GRIK4: variants seen among roughly 807,000 people sequenced by gnomAD.
The protein encoded by GRIK4 is glutamate receptor ionotropic, kainate 4.
A neutral mutation model predicts 104.9 loss-of-function variants in GRIK4; 40 were observed. The ratio of observed to expected loss-of-function variants is 0.38; its 90% CI spans 0.30 to 0.50. The LOEUF is 0.50. GRIK4 is among the 20% of genes least tolerant of loss of function. GRIK4 has a pLI of 0.93. For synonymous variants in GRIK4, 485 were observed against 524.9 expected, an observed-to-expected ratio of 0.92 and a Z score of 1.04; for missense variants, 1,047 against 1,308.1, an observed-to-expected ratio of 0.80 and a Z score of 3.08.
chr11:120,697,585 A>G (rs1467873079), intron 3 of GRIK4, among the ~76,000 whole-genome samples: 1 of 152,200 alleles, frequency 6.6e-6, no homozygotes, highest in African/African-American at 2.4e-5. Context: ...ATTGCACTCC[A>G]GTCTGGGCGA....
intron 1 of GRIK4, among the ~76,000 whole-genome samples, chr11:120,611,899 T>G (rs1949043039): frequency 6.6e-6 from 1 of 152,218 alleles, no homozygotes; most frequent in Admixed American, 6.5e-5. Context: ...TCTGATTTCT[T>G]AAGATGAATC....
intron 4 of GRIK4, among the ~76,000 whole-genome samples, chr11:120,804,370 G>A (rs905814310): frequency 9.8e-5 from 15 of 152,314 alleles, no homozygotes; most frequent in South Asian, 8.3e-4. Context: ...ACAGGCCCAA[G>A]CATCACATGT....
intron 11 of GRIK4, 141 bp from the exon 12 acceptor site, chr11:120,898,391 C>G: frequency 1.7e-6 from 1 of 598,028 alleles, no homozygotes; most frequent in Non-Finnish European, 3.0e-6. Context: ...AGTCTCCCTT[C>G]TGCAGTTCAG....
At chr11:120,591,423 C>T (rs1354350655) in intron 1 of GRIK4, among the ~76,000 whole-genome samples, 2 of 152,144 alleles carry the variant, frequency 1.3e-5, no homozygotes, top group African/African-American at 4.8e-5. Flanking sequence ...GGCACCATCC[C>T]ATGGCTGCCT....
At chr11:120,733,359 G>A (rs549579147) in intron 3 of GRIK4, among the ~76,000 whole-genome samples, 1 of 84,008 alleles carries the variant, frequency 1.2e-5, no homozygotes, top group East Asian at 2.3e-4. Context: ...CTGCCATTTT[G>A]TTATTTTTTT....
chr11:120,958,230 C>A (rs542231977), intron 16 of GRIK4, among the ~76,000 whole-genome samples: 1 of 152,378 alleles, frequency 6.6e-6, no homozygotes, highest in Non-Finnish European at 1.5e-5. Context: ...TCAGCTCTAC[C>A]CTTACCCCAG....
chr11:120,780,724 G>A (rs533901685), intron 3 of GRIK4, among the ~76,000 whole-genome samples: 1 of 151,758 alleles, frequency 6.6e-6, no homozygotes, highest in Non-Finnish European at 1.5e-5. Flanking sequence ...TTTTTTGTTT[G>A]TTTGTTTGTT....
chr11:120,786,008 C>T (rs911081665), intron 3 of GRIK4, among the ~76,000 whole-genome samples: 2 of 152,238 alleles, frequency 1.3e-5, no homozygotes, highest in Non-Finnish European at 2.9e-5. Context: ...CCTTGCTCCC[C>T]AGTGCAACCT....
intron 3 of GRIK4, among the ~76,000 whole-genome samples, chr11:120,682,956 G>A (rs575827879): frequency 1.3e-5 from 2 of 152,118 alleles, no homozygotes; most frequent in South Asian, 4.2e-4. Flanking sequence ...CCCAGGTTAA[G>A]TGTCGTGTTC....
At chr11:120,891,717 C>T (rs1033701235) in intron 11 of GRIK4, among the ~76,000 whole-genome samples, 5 of 151,940 alleles carry the variant, frequency 3.3e-5, no homozygotes, top group South Asian at 2.1e-4. Context: ...GAAAGATAGG[C>T]GGTAAGCAAT....
chr11:120,550,957 ATGCATGAGTGCACAG>A (rs546312444), intron 1 of GRIK4, among the ~76,000 whole-genome samples: 152 of 152,276 alleles, frequency 1.0e-3, no homozygotes, highest in African/African-American at 3.6e-3. Context: ...ACAGCGGAGC[ATGCATGAGTGCACAG>A]TGAAGGGCAT....
At chr11:120,960,187 G>C (rs1944257984) in intron 16 of GRIK4, among the ~76,000 whole-genome samples, 1 of 152,112 alleles carries the variant, frequency 6.6e-6, no homozygotes, top group Non-Finnish European at 1.5e-5. Flanking sequence ...AAATTTGCTG[G>C]GCATGGTGGT....
chr11:120,962,102 A>T (rs574313392), intron 17 of GRIK4, among the ~76,000 whole-genome samples: 1 of 152,172 alleles, frequency 6.6e-6, no homozygotes, highest in Non-Finnish European at 1.5e-5. Context: ...AAATTGAGGG[A>T]CAATGAAGGT....
At chr11:120,781,179 G>A (rs1285367907) in intron 3 of GRIK4, among the ~76,000 whole-genome samples, 2 of 135,766 alleles carry the variant, frequency 1.5e-5, no homozygotes, top group Admixed American at 7.3e-5. Flanking sequence ...TTGGCTTTCT[G>A]TTTTTGTGTT....
chr11:120,842,295 C>A (rs930578636), intron 8 of GRIK4, among the ~76,000 whole-genome samples: 6 of 152,164 alleles, frequency 3.9e-5, no homozygotes, highest in African/African-American at 1.2e-4. Flanking sequence ...TCTTAGAGAC[C>A]AGTGTTAGGA....
Position 120,647,696 on chromosome 11 carries a change from G to A in GRIK4, c.-158-5989G>A, listed in dbSNP as rs142298736. Among the ~76,000 whole-genome samples the A allele has an allele frequency of 2.8e-3, 425 of 152,368 alleles. 2 individuals carry two copies. Among genetic ancestry groups the A allele is most frequent in the African/African-American group, 9.1e-3 (378 of 41,584 alleles). On this transcript the variant is annotated intron_variant, in intron 1 of 20. Coordinates refer to ENST00000527524, the MANE Select transcript of GRIK4 (RefSeq NM_014619.5). ...AGATTCTTGCTGCAACTGCAGGGGC[G>A]CAGGGACATTTTTCTGCCTGCCTTC...
chr11:120,625,685 C>A lies in GRIK4; in HGVS notation c.-158-28000C>A, dbSNP rs570039324. Among the ~76,000 whole-genome samples the A allele has an allele frequency of 2.6e-5, 4 of 151,810 alleles. No individual in the cohort carries two copies. In the East Asian group the frequency reaches 7.8e-4, roughly 30 times the overall value. On this transcript the variant is annotated intron_variant, in intron 1 of 20. Transcript: ENST00000527524. Reference sequence around the variant, plus strand: ...GTCATTGCTGGCTTTTGTGCTCTTCCCTTCTTACCCCTGGCTCCAAACAGA... The same window carrying A: ...GTCATTGCTGGCTTTTGTGCTCTTCACTTCTTACCCCTGGCTCCAAACAGA...
intron 3 of GRIK4, among the ~76,000 whole-genome samples, chr11:120,758,216 C>A (rs1050207253): frequency 1.8e-4 from 27 of 152,136 alleles, no homozygotes; most frequent in African/African-American, 6.5e-4. Flanking sequence ...TTCATTGTAC[C>A]CATCCTGAGG....
intron 3 of GRIK4, among the ~76,000 whole-genome samples, chr11:120,776,650 G>A (rs921965302): frequency 3.3e-5 from 5 of 152,208 alleles, no homozygotes; most frequent in Non-Finnish European, 7.3e-5. Context: ...GCTGCTTAGC[G>A]AGTGTTTCTG....
Sources: gnomAD v4.1 joint callset for allele counts (sites outside exome capture counted in the v4.1 genomes callset) on GRCh38, gnomAD v4.1.1 for gene constraint, MANE v1.5 for transcripts, NCBI Gene and HGNC (gene_info 2026-07-23, HGNC 2026-07-21) for gene names.